The following ANKRD18A variants were observed in gnomAD, a reference collection of about 807,000 sequenced individuals.
The protein encoded by ANKRD18A is ankyrin repeat domain 18A.
ANKRD18A carries 72 observed loss-of-function variants against 110.6 expected under a neutral mutation model. The observed-to-expected ratio is 0.65, with a 90% confidence interval of 0.54 to 0.79. ANKRD18A has a LOEUF of 0.79. Among genes scored for constraint, ANKRD18A ranks in the 30% least tolerant of loss-of-function variants. The pLI is 0.00. For synonymous variants in ANKRD18A, 305 were observed against 410.3 expected, an observed-to-expected ratio of 0.74 and a Z score of 3.10; for missense variants, 934 against 1,163.3, an observed-to-expected ratio of 0.80 and a Z score of 2.87.
chr9:38,588,422 T>C, intron 11 of ANKRD18A, 129 bp downstream of exon 11: 1 of 656,102 alleles, frequency 1.5e-6, no homozygotes, highest in East Asian at 3.7e-5. Flanking sequence ...AAATACATTT[T>C]AAAACAGAAT....
rs1587486844 is a variant in ANKRD18A at position 38,578,116 on chromosome 9, C to T, written c.2280G>A (p.Val760=). Residue 760 remains valine (V), a synonymous_variant, in exon 13 of 16, where the codon GTG becomes GTA. Transcript: ENST00000399703. ...TGGCCAAATTGACACATTCTGAAGA[C>T]ACAGCTTCCTTCTCGGCCACAAGAT... ...FNDLVAEKEA[V]SSECVNLAKD... The T allele has an allele frequency of 6.5e-7, 1 of 1,547,724 alleles. No homozygotes were observed. Among genetic ancestry groups the T allele is most frequent in the Non-Finnish European group, 8.7e-7 (1 of 1,146,062 alleles).
At chr9:38,605,204 A>G (rs1825299069) in intron 6 of ANKRD18A, among the ~76,000 whole-genome samples, 1 of 152,220 alleles carries the variant, frequency 6.6e-6, no homozygotes, top group Non-Finnish European at 1.5e-5. Flanking sequence ...TCCCAACTGT[A>G]TTTTTTAAAT....
intron 8 of ANKRD18A, among the ~76,000 whole-genome samples, chr9:38,600,144 C>T (rs1342750159): frequency 3.9e-5 from 6 of 152,076 alleles, no homozygotes; most frequent in Non-Finnish European, 5.9e-5. Flanking sequence ...AGGGGAAAAA[C>T]GTGAACCAGG....
chr9:38,601,993 A>G (rs1054503947), intron 7 of ANKRD18A, among the ~76,000 whole-genome samples: 3 of 108,692 alleles, frequency 2.8e-5, no homozygotes, highest in African/African-American at 1.0e-4. Flanking sequence ...CAAAAACAGA[A>G]AAAAAAAAAA....
intron 12 of ANKRD18A, among the ~76,000 whole-genome samples, chr9:38,579,402 T>C (rs949251691): frequency 5.3e-5 from 8 of 151,982 alleles, no homozygotes; most frequent in Non-Finnish European, 8.8e-5. Flanking sequence ...AAGCAATTCA[T>C]CCAAAATATC....
At position 38,616,004 on chromosome 9, in the gene ANKRD18A, C is replaced by G; in HGVS notation, c.247G>C (p.Val83Leu). Reference protein sequence around the residue: ...HLACAHGRVQVVTLLLHRRCQ... With the variant: ...HLACAHGRVQLVTLLLHRRCQ... ...CTTCTGTGCAGCAAGAGAGTGACCA[C>G]TTGCACACGGCCATGGGCACAGGCC... The change falls in exon 2 of 16, where the codon GTG becomes CTG. Residue 83 changes from valine to leucine, a missense_variant. Transcript: ENST00000399703. The G allele has an allele frequency of 1.3e-6, 2 of 1,594,272 alleles. No homozygotes were observed. The highest frequency in any genetic ancestry group is 1.7e-6 in the Non-Finnish European group (2 of 1,169,676).
intron 10 of ANKRD18A, among the ~76,000 whole-genome samples, chr9:38,593,345 G>A (rs1211537556): frequency 6.6e-6 from 1 of 152,158 alleles, no homozygotes; most frequent in Admixed American, 6.6e-5. Context: ...TCCATGAAAT[G>A]AATACGCACA....
chr9:38,572,111 C>T lies in ANKRD18A; in HGVS notation c.2965-52G>A, dbSNP rs148136894. 8,656 of 1,387,352 alleles carry T rather than the reference C, an allele frequency of 6.2e-3. 40 individuals are homozygous for T. Among genetic ancestry groups the T allele is most frequent in the Non-Finnish European group, 6.7e-3 (6,826 of 1,014,562 alleles). 85.9% of individuals were successfully genotyped at this position (1,387,352 alleles called of 1,614,324 possible). ...TCTTTACCTAAAACATTTCAGTTAACGAAGTGTAAGTTTAAAATGTGGAGT... is the reference window on the plus strand; with the variant it reads ...TCTTTACCTAAAACATTTCAGTTAATGAAGTGTAAGTTTAAAATGTGGAGT... On this transcript the variant is annotated intron_variant, in intron 15 of 15. Coordinates refer to ENST00000399703, the MANE Select transcript of ANKRD18A (RefSeq NM_147195.4).
At chr9:38,617,212 C>G (rs960723467) in intron 1 of ANKRD18A, among the ~76,000 whole-genome samples, 1 of 152,172 alleles carries the variant, frequency 6.6e-6, no homozygotes, top group Middle Eastern at 3.2e-3. Flanking sequence ...GAGGCCGAGG[C>G]AGGTGGATCT....
intron 6 of ANKRD18A, among the ~76,000 whole-genome samples, chr9:38,606,908 T>C (rs1385072847): frequency 1.3e-5 from 2 of 152,100 alleles, no homozygotes; most frequent in East Asian, 3.8e-4. Flanking sequence ...AATGAATTTT[T>C]TCAGACAATA....
At chr9:38,581,497 T>C (rs1200897494) in intron 12 of ANKRD18A, among the ~76,000 whole-genome samples, 1 of 152,066 alleles carries the variant, frequency 6.6e-6, no homozygotes. Context: ...TTAATGAAAA[T>C]TCTAAAAGAA....
intron 14 of ANKRD18A, among the ~76,000 whole-genome samples, chr9:38,576,002 T>C (rs1414998001): frequency 6.6e-6 from 1 of 152,222 alleles, no homozygotes; most frequent in Admixed American, 6.5e-5. Flanking sequence ...CTAAAATAGC[T>C]CTACTTATAA....
At chr9:38,611,682 C>G (rs1413701460) in intron 3 of ANKRD18A, among the ~76,000 whole-genome samples, 1 of 152,012 alleles carries the variant, frequency 6.6e-6, no homozygotes, top group Non-Finnish European at 1.5e-5. Context: ...ACCCTAAAAC[C>G]TAAGACATAG....
In ANKRD18A at chr9:38,587,032, G is replaced by A. The variant is rs191804320; in HGVS notation, c.2118-720C>T. Among the ~76,000 whole-genome samples, 236 of 151,932 alleles carry A rather than the reference G, an allele frequency of 1.6e-3. 1 individual carries two copies. Among genetic ancestry groups the A allele is most frequent in the Non-Finnish European group, 2.3e-3 (153 of 67,988 alleles). On this transcript the variant is annotated intron_variant, in intron 11 of 15. Coordinates refer to ENST00000399703, the MANE Select transcript of ANKRD18A (RefSeq NM_147195.4). ...GACACAAAAATACATTTTGATATCC[G>A]TTGACCACAGTCTATAAGAAGAAAA... is the stretch of plus-strand genomic sequence containing the variant.
chr9:38,588,542 A>C lies in ANKRD18A; in HGVS notation c.2117+9T>G. On this transcript the variant is annotated intron_variant, in intron 11 of 15. Transcript: ENST00000399703. Reference sequence around the variant, plus strand: ...ATGGTTAAAATGTTCTACAATATGAAAACCATACCCAGTTGCCTCTTCTTC... The same window carrying C: ...ATGGTTAAAATGTTCTACAATATGACAACCATACCCAGTTGCCTCTTCTTC... 1 of 1,313,752 alleles carries C rather than the reference A, an allele frequency of 7.6e-7. No individual in the cohort carries two copies. The highest frequency in any genetic ancestry group is 9.9e-7 in the Non-Finnish European group (1 of 1,014,878). The allele number at this position is 1,313,752 out of a possible 1,614,324, so 81.4% of individuals were successfully genotyped here. A position where few individuals can be genotyped will look rare whatever the true frequency, so the allele number is the denominator to read the frequency against.
In ANKRD18A at chr9:38,611,425, G is replaced by C. The variant is rs376240833; in HGVS notation, c.496-104C>G. The C allele has an allele frequency of 4.5e-3, 6,654 of 1,485,408 alleles. 68 individuals are homozygous for C. Among genetic ancestry groups the C allele is most frequent in the African/African-American group, 0.029 (1,989 of 69,120 alleles). 92.0% of individuals were successfully genotyped at this position (1,485,408 alleles called of 1,614,324 possible). A position where few individuals can be genotyped will look rare whatever the true frequency, so the allele number is the denominator to read the frequency against. On this transcript the variant is annotated intron_variant, in intron 3 of 15. Coordinates refer to ENST00000399703, the MANE Select transcript of ANKRD18A (RefSeq NM_147195.4). ...TATGAACTTAAACATGCAATATAGA[G>C]AGAAAGTAAATGCAAAGCAGTCCCG...
chr9:38,577,749 A>G, intron 13 of ANKRD18A, 118 bp downstream of exon 13: 1 of 1,190,258 alleles, frequency 8.4e-7, no homozygotes, highest in Non-Finnish European at 1.1e-6. Flanking sequence ...GAACTCTACG[A>G]AGGAAATTGC....
intron 1 of ANKRD18A, among the ~76,000 whole-genome samples, chr9:38,616,711 C>G (rs1291834367): frequency 2.0e-5 from 3 of 152,196 alleles, no homozygotes. Context: ...CCACCTCAGC[C>G]TTCCAAAGTT....
At chr9:38,611,765 T>C (rs187924019) in intron 3 of ANKRD18A, among the ~76,000 whole-genome samples, 44 of 152,344 alleles carry the variant, frequency 2.9e-4, no homozygotes, top group African/African-American at 9.1e-4. Flanking sequence ...TTTCTTAAAC[T>C]ATATTTCAAA....
Sources: gnomAD v4.1 joint callset for allele counts (sites outside exome capture counted in the v4.1 genomes callset) on GRCh38, gnomAD v4.1.1 for gene constraint, MANE v1.5 for transcripts, NCBI Gene and HGNC (gene_info 2026-07-23, HGNC 2026-07-21) for gene names.